The following TMEM248 variants were observed in gnomAD, a reference collection of about 807,000 sequenced individuals.
TMEM248 encodes transmembrane protein 248, also known as UPF0458 protein C7orf42.
A neutral mutation model predicts 30.3 loss-of-function variants in TMEM248; 9 were observed. The observed-to-expected ratio is 0.30, with a 90% CI of 0.18 to 0.52. The LOEUF is 0.52. Ranked by LOEUF, TMEM248 falls within the 20% of genes least tolerant of loss-of-function variation. TMEM248 has a pLI of 0.97. For missense variants in TMEM248, 338 were observed against 403.3 expected, an observed-to-expected ratio of 0.84 and a Z score of 1.39; for synonymous variants, 184 against 154.4, an observed-to-expected ratio of 1.19 and a Z score of -1.42.
intron 1 of TMEM248, among the ~76,000 whole-genome samples, chr7:66,924,849 A>G (rs1791482883): frequency 6.6e-6 from 1 of 151,808 alleles, no homozygotes; most frequent in African/African-American, 2.4e-5. Context: ...AGCTGGGACT[A>G]CAGGCACGCA....
rs761045810 is a variant in TMEM248 at position 66,942,019 on chromosome 7, G to T, written c.154G>T (p.Ala52Ser). The change falls in exon 2 of 7, where the codon GCA becomes TCA. Residue 52 changes from alanine to serine, a missense_variant. Physicochemically the swap from Ala to Ser is moderately conservative, Grantham distance 99. Coordinates refer to ENST00000341567, the MANE Select transcript of TMEM248 (RefSeq NM_017994.5). The part of the protein sequence containing the change: ...KIKEIKSPEM[A>S]EDWNTFLLRF... ...CAAGGAGATTAAATCCCCAGAAATG[G>T]CAGAGGTATAGTATGCTCTGACTTC... is the stretch of plus-strand genomic sequence containing the variant. The T allele has an allele frequency of 1.2e-6, 2 of 1,613,824 alleles. No individual in the cohort carries two copies. Among genetic ancestry groups the T allele is most frequent in the Non-Finnish European group, 1.7e-6 (2 of 1,179,906 alleles).
At position 66,957,124 on chromosome 7, in the gene TMEM248, TG is replaced by T. The variant is rs1792424604; in HGVS notation, c.*1603del. Reference sequence around the variant, plus strand: ...ATAACTTTTTGCCTTAATAGCTCATTGTCACTAATAACTTCTGTGTTCTCCC... The same window carrying T: ...ATAACTTTTTGCCTTAATAGCTCATTTCACTAATAACTTCTGTGTTCTCCC... On this transcript the variant is annotated 3_prime_UTR_variant, in exon 7 of 7. Transcript: ENST00000341567. The T allele has an allele frequency of 1.3e-5, 2 of 152,664 alleles. No homozygotes were observed. The allele number at this position is 152,664 out of a possible 1,614,324, so 9.5% of individuals were successfully genotyped here.
chr7:66,948,526 A>G lies in TMEM248; in HGVS notation c.446-18A>G. The G allele has an allele frequency of 6.2e-7, 1 of 1,608,528 alleles. No individual in the cohort carries two copies. The highest frequency in any genetic ancestry group is 8.5e-7 in the Non-Finnish European group (1 of 1,177,356). ...ACGTGGTTCTTGACTTTATAAAAAA[A>G]TGATTTCTCTTTCATAGGCAGGGAA... On this transcript the variant is annotated intron_variant, in intron 3 of 6. Coordinates refer to ENST00000341567, the MANE Select transcript of TMEM248 (RefSeq NM_017994.5).
At chr7:66,942,773 G>A (rs1415372789) in intron 2 of TMEM248, among the ~76,000 whole-genome samples, 5 of 151,784 alleles carry the variant, frequency 3.3e-5, no homozygotes, top group South Asian at 2.1e-4. Flanking sequence ...TGGGATTACC[G>A]GTGTGAGCCA....
At chr7:66,953,636 G>A (rs4717332) in intron 6 of TMEM248, among the ~76,000 whole-genome samples, 5,353 of 151,724 alleles carry the variant, frequency 0.035, 156 homozygotes, top group East Asian at 0.087. Context: ...ATGGAGTCTC[G>A]CTCTGTCTCC....
chr7:66,928,317 T>C (rs1026316426), intron 1 of TMEM248, among the ~76,000 whole-genome samples: 1 of 152,114 alleles, frequency 6.6e-6, no homozygotes, highest in Non-Finnish European at 1.5e-5. Context: ...TTTGTATATC[T>C]ATGGCATGTG....
At chr7:66,944,910 T>G in intron 2 of TMEM248, 66 bp from the exon 3 acceptor site, 1 of 1,559,608 alleles carries the variant, frequency 6.4e-7, no homozygotes, top group Non-Finnish European at 8.8e-7. Flanking sequence ...GGGTCTTACC[T>G]GTATTCCCGC....
chr7:66,953,660 A>G (rs1397899675), intron 6 of TMEM248, among the ~76,000 whole-genome samples: 3 of 150,622 alleles, frequency 2.0e-5, no homozygotes, highest in Non-Finnish European at 4.4e-5. Flanking sequence ...GCTGGAGTGC[A>G]GTGGCACTAT....
intron 3 of TMEM248, among the ~76,000 whole-genome samples, chr7:66,946,099 A>AT (rs1248429563): frequency 2.0e-5 from 3 of 151,324 alleles, no homozygotes; most frequent in African/African-American, 4.9e-5. Context: ...AAAAAAAAAA[A>AT]AGAAGTCAGC....
intron 1 of TMEM248, among the ~76,000 whole-genome samples, chr7:66,930,110 C>T (rs957048874): frequency 6.6e-6 from 1 of 152,132 alleles, no homozygotes; most frequent in Non-Finnish European, 1.5e-5. Flanking sequence ...CTGCCATGCT[C>T]ATACCACTGC....
At chr7:66,943,384 G>A (rs752637193) in intron 2 of TMEM248, among the ~76,000 whole-genome samples, 14 of 152,212 alleles carry the variant, frequency 9.2e-5, no homozygotes, top group African/African-American at 2.2e-4. Context: ...GCTGTTCAAC[G>A]TGGACTCCAG....
intron 3 of TMEM248, among the ~76,000 whole-genome samples, chr7:66,947,239 G>C (rs1038072552): frequency 9.5e-5 from 13 of 137,540 alleles, no homozygotes; most frequent in African/African-American, 3.5e-4. Flanking sequence ...AAAAAAACAA[G>C]AAACAAATAA....
At chr7:66,937,570 C>T (rs1485821631) in intron 1 of TMEM248, among the ~76,000 whole-genome samples, 1 of 152,180 alleles carries the variant, frequency 6.6e-6, no homozygotes, top group Non-Finnish European at 1.5e-5. Flanking sequence ...ATTGTTACAT[C>T]ATCTTGCTGA....
chr7:66,934,398 A>G (rs1181729203), intron 1 of TMEM248, among the ~76,000 whole-genome samples: 1 of 152,106 alleles, frequency 6.6e-6, no homozygotes, highest in Non-Finnish European at 1.5e-5. Flanking sequence ...ATGGGGTTTC[A>G]TCATGTCAGT....
chr7:66,950,178 G>T (rs1447533335), intron 4 of TMEM248, among the ~76,000 whole-genome samples: 1 of 150,812 alleles, frequency 6.6e-6, no homozygotes, highest in African/African-American at 2.4e-5. Flanking sequence ...GTGAGCCGAG[G>T]TCACACCGGC....
At chr7:66,939,060 A>G (rs1447114141) in intron 1 of TMEM248, among the ~76,000 whole-genome samples, 3 of 152,240 alleles carry the variant, frequency 2.0e-5, no homozygotes, top group African/African-American at 7.2e-5. Flanking sequence ...GGGAGATACC[A>G]TTTAAAATAA....
At chr7:66,952,032 ATCTCTCT>A (rs1220475317) in intron 5 of TMEM248, among the ~76,000 whole-genome samples, 1 of 151,244 alleles carries the variant, frequency 6.6e-6, no homozygotes, top group Non-Finnish European at 1.5e-5. Flanking sequence ...TGTTAGCTGG[ATCTCTCT>A]TCTTTTGGCC....
chr7:66,955,642 CAA>C lies in TMEM248; in HGVS notation c.*122_*123del. 8.0e-7 allele frequency: 1 copy of C among 1,247,582 alleles called. No homozygotes were observed. Among genetic ancestry groups the C allele is most frequent in the Non-Finnish European group, 1.1e-6 (1 of 877,952 alleles). The allele number at this position is 1,247,582 out of a possible 1,614,324, so 77.3% of individuals were successfully genotyped here. A position where few individuals can be genotyped will look rare whatever the true frequency, so the allele number is the denominator to read the frequency against. ...TCTTGCGATGTTGGGTTATTCCAGC[CAA>C]AGACATTTCAAGTGCCTGTAACTGA... On this transcript the variant is annotated 3_prime_UTR_variant, in exon 7 of 7. Coordinates refer to ENST00000341567, the MANE Select transcript of TMEM248 (RefSeq NM_017994.5).
At chr7:66,946,675 C>T (rs1255402619) in intron 3 of TMEM248, among the ~76,000 whole-genome samples, 1 of 152,034 alleles carries the variant, frequency 6.6e-6, no homozygotes, top group Non-Finnish European at 1.5e-5. Context: ...TTATCAAGCA[C>T]TTACAATAGT....
Sources: allele counts gnomAD v4.1 joint callset (sites outside exome capture counted in the v4.1 genomes callset), GRCh38; gene constraint gnomAD v4.1.1; transcripts MANE v1.5; gene names NCBI Gene and HGNC (gene_info 2026-07-23, HGNC 2026-07-21).